The following RBFOX1 variants were observed in gnomAD, a reference collection of about 807,000 sequenced individuals.
RBFOX1 encodes the protein RNA binding fox-1 homolog 1.
Under a neutral mutation model 57.7 loss-of-function variants are expected in RBFOX1, and 8 were observed. The observed-to-expected ratio is 0.14, with a 90% confidence interval of 0.08 to 0.25. The LOEUF (loss-of-function observed/expected upper bound fraction) is 0.25. RBFOX1 is among the 10% of genes least tolerant of loss of function. The pLI is 1.00. For missense variants in RBFOX1, 611 were observed against 548.5 expected, an observed-to-expected ratio of 1.11 and a Z score of -1.14; for synonymous variants, 326 against 222.4, an observed-to-expected ratio of 1.47 and a Z score of -4.15.
intron 4 of RBFOX1, among the ~76,000 whole-genome samples, chr16:7,456,280 C>G (rs1216170650): frequency 6.6e-6 from 1 of 152,192 alleles, no homozygotes; most frequent in African/African-American, 2.4e-5. Flanking sequence ...CCCCCTTATA[C>G]AAATACAGAA....
chr16:7,502,295 T>C (rs1420590450), intron 4 of RBFOX1, among the ~76,000 whole-genome samples: 3 of 152,192 alleles, frequency 2.0e-5, no homozygotes, highest in Non-Finnish European at 4.4e-5. Flanking sequence ...AGGGAACCAT[T>C]AAAGATACAT....
intron 3 of RBFOX1, among the ~76,000 whole-genome samples, chr16:6,742,327 A>G (rs74365406): frequency 0.01 from 1,526 of 152,294 alleles, 11 homozygotes; most frequent in African/African-American, 0.028. Context: ...TAAGATAGAA[A>G]CTATCAAATA....
intron 3 of RBFOX1, among the ~76,000 whole-genome samples, chr16:6,987,166 G>A (rs952520707): frequency 2.0e-5 from 3 of 152,090 alleles, no homozygotes; most frequent in African/African-American, 4.8e-5. Context: ...GCAGCATTTT[G>A]ATAGAGGACT....
chr16:5,776,881 A>G (rs1290122669), intron 3 of RBFOX1, among the ~76,000 whole-genome samples: 2 of 152,242 alleles, frequency 1.3e-5, no homozygotes, highest in Non-Finnish European at 2.9e-5. Context: ...CACGGTGGCC[A>G]TTTGCCATGG....
At chr16:6,531,064 C>T (rs571597965) in intron 2 of RBFOX1, among the ~76,000 whole-genome samples, 1 of 152,172 alleles carries the variant, frequency 6.6e-6, no homozygotes, top group East Asian at 1.9e-4. Flanking sequence ...GCAAACTGGC[C>T]CAAGCTCAGC....
intron 2 of RBFOX1, among the ~76,000 whole-genome samples, chr16:6,499,672 A>C (rs965039437): frequency 1.3e-5 from 2 of 151,994 alleles, no homozygotes; most frequent in Admixed American, 6.6e-5. Context: ...TGTCAACATC[A>C]CTTCAGTGAC....
At chr16:5,672,887 G>A (rs1323434578) in intron 3 of RBFOX1, among the ~76,000 whole-genome samples, 2 of 118,416 alleles carry the variant, frequency 1.7e-5, no homozygotes, top group African/African-American at 2.9e-5. Flanking sequence ...GTGTGTGTGT[G>A]TGTCTGGGTT....
intron 3 of RBFOX1, among the ~76,000 whole-genome samples, chr16:6,830,784 T>C (rs896869092): frequency 2.6e-5 from 4 of 152,158 alleles, no homozygotes; most frequent in African/African-American, 9.7e-5. Context: ...TCTGTTGAGA[T>C]GGTAAGGGGT....
At chr16:7,610,384 T>A (rs984465228) in intron 10 of RBFOX1, among the ~76,000 whole-genome samples, 5 of 151,922 alleles carry the variant, frequency 3.3e-5, no homozygotes, top group East Asian at 3.9e-4. Flanking sequence ...TTTATTTATT[T>A]TTTTTTTTAA....
At chr16:6,387,361 G>A (rs902459638) in intron 2 of RBFOX1, among the ~76,000 whole-genome samples, 2 of 151,752 alleles carry the variant, frequency 1.3e-5, no homozygotes, top group East Asian at 1.9e-4. Context: ...GTTCTCATTG[G>A]AATCTTGCTG....
chr16:7,114,607 G>A (rs1009743011), intron 4 of RBFOX1, among the ~76,000 whole-genome samples: 4 of 152,174 alleles, frequency 2.6e-5, no homozygotes, highest in African/African-American at 9.7e-5. Flanking sequence ...TTTCTCTTCT[G>A]TCATTTGAAT....
intron 4 of RBFOX1, among the ~76,000 whole-genome samples, chr16:7,413,428 G>A (rs116404861): frequency 6.6e-6 from 1 of 152,118 alleles, no homozygotes; most frequent in African/African-American, 2.4e-5. Context: ...CTGATTCACT[G>A]GGTCTGGGAT....
At chr16:6,968,737 C>T (rs558644028) in intron 3 of RBFOX1, among the ~76,000 whole-genome samples, 3 of 152,142 alleles carry the variant, frequency 2.0e-5, no homozygotes, top group African/African-American at 7.2e-5. Context: ...CCTCATCTCC[C>T]TCCTCTCCCT....
At chr16:5,893,472 T>A (rs970633581) in intron 4 of RBFOX1, among the ~76,000 whole-genome samples, 2 of 152,176 alleles carry the variant, frequency 1.3e-5, no homozygotes, top group Non-Finnish European at 1.5e-5. Flanking sequence ...GAGACCCCAT[T>A]TAACCTGATG....
chr16:6,784,310 T>C (rs1272104394), intron 3 of RBFOX1, among the ~76,000 whole-genome samples: 1 of 152,154 alleles, frequency 6.6e-6, no homozygotes, highest in Non-Finnish European at 1.5e-5. Context: ...CTTTTTTAGC[T>C]TCTTTTTTTC....
chr16:5,828,572 G>C (rs555636587), intron 3 of RBFOX1, among the ~76,000 whole-genome samples: 1 of 152,104 alleles, frequency 6.6e-6, no homozygotes, highest in African/African-American at 2.4e-5. Flanking sequence ...GGTGGTGCAC[G>C]CCTGTAGTCC....
chr16:6,008,906 A>G (rs2094943222), intron 4 of RBFOX1, among the ~76,000 whole-genome samples: 1 of 152,222 alleles, frequency 6.6e-6, no homozygotes, highest in Admixed American at 6.5e-5. Context: ...ACAGAGACGA[A>G]TCAAAGCAGG....
At chr16:6,473,881 G>A (rs925670855) in intron 2 of RBFOX1, among the ~76,000 whole-genome samples, 5 of 152,162 alleles carry the variant, frequency 3.3e-5, no homozygotes, top group African/African-American at 4.8e-5. Flanking sequence ...AGTTGGAGGT[G>A]TGGACAAAAA....
At chr16:7,257,843 A>ATTT (rs2094758191) in intron 4 of RBFOX1, among the ~76,000 whole-genome samples, 3 of 152,196 alleles carry the variant, frequency 2.0e-5, no homozygotes, top group South Asian at 4.1e-4. Context: ...ATTAAATTGG[A>ATTT]AGTCCTTGCA....
Sources: allele counts gnomAD v4.1 joint callset (sites outside exome capture counted in the v4.1 genomes callset), GRCh38; gene constraint gnomAD v4.1.1; transcripts MANE v1.5; gene names NCBI Gene and HGNC (gene_info 2026-07-23, HGNC 2026-07-21).